ANKRD30BL: variants seen among roughly 807,000 people sequenced by gnomAD.
The protein encoded by ANKRD30BL is ankyrin repeat domain 30B like, also known as putative ankyrin repeat domain-containing protein 30B-like.
Under a neutral mutation model 18.4 loss-of-function variants are expected in ANKRD30BL, and 20 were observed. The ratio of observed to expected loss-of-function variants is 1.09; its 90% confidence interval spans 0.77 to 1.58. The LOEUF is 1.58. ANKRD30BL is among the 40% of genes most tolerant of loss of function. ANKRD30BL has a pLI of 0.00. For missense variants in ANKRD30BL, 224 were observed against 268.6 expected (o/e 0.83, Z 1.16); for synonymous variants, 72 against 100.9 (o/e 0.71, Z 1.72).
At chr2:132,160,180 C>T (rs1688015429) in intron 1 of ANKRD30BL, among the ~76,000 whole-genome samples, 1 of 152,062 alleles carries the variant, frequency 6.6e-6, no homozygotes, top group Non-Finnish European at 1.5e-5. Flanking sequence ...CAGCTCACTG[C>T]AACCTCCGCC....
At chr2:132,224,247 A>G (rs202231549) in intron 1 of ANKRD30BL, among the ~76,000 whole-genome samples, 2 of 151,966 alleles carry the variant, frequency 1.3e-5, no homozygotes, top group East Asian at 3.9e-4. Flanking sequence ...CTCTTTTTGT[A>G]GAATCTGCAA....
chr2:132,171,053 G>C (rs572812661), intron 1 of ANKRD30BL, among the ~76,000 whole-genome samples: 2 of 152,008 alleles, frequency 1.3e-5, no homozygotes, highest in South Asian at 4.1e-4. Flanking sequence ...CTACTCCGGA[G>C]GCTGAGGCAG....
intron 1 of ANKRD30BL, among the ~76,000 whole-genome samples, chr2:132,248,435 G>T (rs368424801): frequency 1.0e-3 from 153 of 152,120 alleles, no homozygotes; most frequent in African/African-American, 3.5e-3. Flanking sequence ...TAGTTTTTAT[G>T]TGAAGATATT....
intron 5 of ANKRD30BL, among the ~76,000 whole-genome samples, chr2:132,149,128 ATAAAT>A: frequency 6.6e-6 from 1 of 152,366 alleles, no homozygotes; most frequent in African/African-American, 2.4e-5. Context: ...TAAATATGTA[ATAAAT>A]TAAAGATGTG....
chr2:132,164,269 C>CTTTTTTTTTTT (rs796313755), upstream of ANKRD30BL, among the ~76,000 whole-genome samples: 144 of 112,132 alleles, frequency 1.3e-3, 8 homozygotes, highest in East Asian at 0.021. Flanking sequence ...TTTTCTTTTT[C>CTTTTTTTTTTT]TTTTTTTTTT....
At chr2:132,209,482 G>A (rs1277504781) in intron 1 of ANKRD30BL, among the ~76,000 whole-genome samples, 7 of 150,368 alleles carry the variant, frequency 4.7e-5, no homozygotes, top group Non-Finnish European at 5.9e-5. Flanking sequence ...CATTCGGAGC[G>A]ATTTGAGGCC....
intron 1 of ANKRD30BL, among the ~76,000 whole-genome samples, chr2:132,198,720 C>T (rs1237554043): frequency 2.0e-5 from 3 of 151,672 alleles, no homozygotes; most frequent in Non-Finnish European, 4.4e-5. Flanking sequence ...CAGGTTCAAG[C>T]GATTTTCCTG....
At chr2:132,237,116 G>C (rs1197163188) in intron 1 of ANKRD30BL, among the ~76,000 whole-genome samples, 1 of 151,722 alleles carries the variant, frequency 6.6e-6, no homozygotes, top group East Asian at 1.9e-4. Flanking sequence ...CATACTCTGG[G>C]GAATGTTGTG....
intron 1 of ANKRD30BL, among the ~76,000 whole-genome samples, chr2:132,243,192 T>C (rs1319383289): frequency 6.6e-6 from 1 of 151,626 alleles, no homozygotes; most frequent in Non-Finnish European, 1.5e-5. Context: ...TTTGGAACGA[T>C]TTGAGATCCT....
chr2:132,161,571 A>G lies in ANKRD30BL; in HGVS notation c.135T>C (p.Ala45=), dbSNP rs1227334060. ...HHGDLRKIHK[A]ASRGQAWKLE... is the part of the protein sequence containing the mutation. ...GCTTCCAGGCTTGGCCCCGGGAGGC[A>G]GCTTTGTGGATCTTCCTGAGATCCC... Residue 45 remains alanine, a synonymous_variant, in exon 1 of 6, where the codon GCT becomes GCC. Coordinates refer to ENST00000409867, the MANE Select transcript of ANKRD30BL (RefSeq NM_001358416.1). The G allele has an allele frequency of 4.8e-6, 7 of 1,456,570 alleles. No individual in the cohort carries two copies. In the African/African-American group the frequency reaches 8.5e-5, roughly 18 times the overall value. 90.2% of individuals were successfully genotyped at this position (1,456,570 alleles called of 1,614,324 possible).
At chr2:132,221,573 C>T (rs1475503055) in intron 1 of ANKRD30BL, among the ~76,000 whole-genome samples, 9 of 135,122 alleles carry the variant, frequency 6.7e-5, no homozygotes, top group Non-Finnish European at 9.4e-5. Context: ...CCCGGCCAGC[C>T]GCCCAGTCTG....
chr2:132,176,806 C>T (rs1688374211), intron 1 of ANKRD30BL, among the ~76,000 whole-genome samples: 1 of 152,054 alleles, frequency 6.6e-6, no homozygotes, highest in African/African-American at 2.4e-5. Context: ...AAAAATGCAG[C>T]AGCGTATTAT....
intron 1 of ANKRD30BL, among the ~76,000 whole-genome samples, chr2:132,200,482 C>G (rs1679074501): frequency 6.6e-6 from 1 of 152,110 alleles, no homozygotes; most frequent in Non-Finnish European, 1.5e-5. Context: ...AAATCACAAG[C>G]ATTCTTATAC....
intron 1 of ANKRD30BL, among the ~76,000 whole-genome samples, chr2:132,217,413 T>C (rs1309127603): frequency 6.6e-6 from 1 of 151,780 alleles, no homozygotes; most frequent in Non-Finnish European, 1.5e-5. Context: ...ATTTGAGACC[T>C]ATGGTTGAAA....
At chr2:132,164,527 G>T, upstream of ANKRD30BL, among the ~76,000 whole-genome samples, 1 of 151,748 alleles carries the variant, frequency 6.6e-6, no homozygotes, top group East Asian at 2.0e-4. Flanking sequence ...CCAGCCTCAG[G>T]TGATCCGCCC....
intron 1 of ANKRD30BL, among the ~76,000 whole-genome samples, chr2:132,222,727 A>C (rs1287848003): frequency 6.6e-6 from 1 of 151,326 alleles, no homozygotes; most frequent in African/African-American, 2.4e-5. Flanking sequence ...CTGCCTAGGA[A>C]AACCAGAGAC....
At chr2:132,229,711 C>T (rs544336457) in intron 1 of ANKRD30BL, among the ~76,000 whole-genome samples, 33 of 152,046 alleles carry the variant, frequency 2.2e-4, no homozygotes, top group Admixed American at 3.9e-4. Context: ...TTTGATAGAG[C>T]GGGTTTGAAA....
rs566396255 is a variant in ANKRD30BL, at chr2:132,157,387, T to C, written c.255A>G (p.Ala85=). ...TATCTACCAGAAGTGTTACTACTTC[T>C]GCATGGCCATTGGCACAGGCCCAGT... is the stretch of plus-strand genomic sequence containing the variant. ...ALYWACANGH[A]EVVTLLVDRK... is the part of the protein sequence containing the mutation. The change falls in exon 2 of 6, where the codon GCA becomes GCG. Residue 85 remains alanine, a synonymous_variant. Transcript: ENST00000409867. 1.5e-4 allele frequency: 111 copies of C among 751,412 alleles called. 2 individuals are homozygous for C. The South Asian group carries it at 1.6e-3, about 11-fold the overall frequency. 46.5% of individuals were successfully genotyped at this position (751,412 alleles called of 1,614,324 possible).
rs563784580 is a variant in ANKRD30BL, at chr2:132,161,871, T to C, written c.-166A>G. ...CACTCCAACCTCTCCCGGGAGAAAA[T>C]GGCTGCGCAAAACCGTTAGGCAGCT... On this transcript the variant is annotated 5_prime_UTR_variant, in exon 1 of 6. Coordinates refer to ENST00000409867, the MANE Select transcript of ANKRD30BL (RefSeq NM_001358416.1). 1.7e-6 allele frequency: 1 copy of C among 588,324 alleles called. No homozygotes were observed. Among genetic ancestry groups the C allele is most frequent in the African/African-American group, 1.9e-5 (1 of 52,694 alleles). The allele number at this position is 588,324 out of a possible 1,614,324, so 36.4% of individuals were successfully genotyped here. A position where few individuals can be genotyped will look rare whatever the true frequency, so the allele number is the denominator to read the frequency against.
Sources: allele counts gnomAD v4.1 joint callset (sites outside exome capture counted in the v4.1 genomes callset), GRCh38; gene constraint gnomAD v4.1.1; transcripts MANE v1.5; gene names NCBI Gene and HGNC (gene_info 2026-07-23, HGNC 2026-07-21).